The following COL25A1 variants were observed in gnomAD, a reference collection of about 807,000 sequenced individuals.
COL25A1 encodes the protein collagen alpha-1(XXV) chain.
Under a neutral mutation model 128.4 loss-of-function variants are expected in COL25A1, and 103 were observed. The ratio of observed to expected loss-of-function variants is 0.80; its 90% confidence interval spans 0.68 to 0.94. COL25A1 has a LOEUF of 0.94. COL25A1 is among the 40% of genes least tolerant of loss of function. The pLI is 0.00. For missense variants in COL25A1, 745 were observed against 840.0 expected, an observed-to-expected ratio of 0.89 and a Z score of 1.40; for synonymous variants, 279 against 277.2, an observed-to-expected ratio of 1.01 and a Z score of -0.06.
chr4:108,901,738 T>G (rs1221177146), intron 13 of COL25A1, among the ~76,000 whole-genome samples: 1 of 152,122 alleles, frequency 6.6e-6, no homozygotes, highest in Non-Finnish European at 1.5e-5. Context: ...GAATAAAACA[T>G]TCAGACTTAT....
intron 6 of COL25A1, among the ~76,000 whole-genome samples, chr4:108,984,682 C>G (rs527547402): frequency 6.6e-6 from 1 of 152,350 alleles, no homozygotes; most frequent in Non-Finnish European, 1.5e-5. Context: ...ACCCGGAACT[C>G]CCGCTGGCCC....
chr4:108,913,685 CAG>C (rs1299999819), intron 13 of COL25A1, among the ~76,000 whole-genome samples: 2 of 152,098 alleles, frequency 1.3e-5, no homozygotes, highest in African/African-American at 2.4e-5. Context: ...TAGAAAAATG[CAG>C]AGTTTTAATA....
chr4:109,280,660 G>GTT (rs374389512), intron 3 of COL25A1, among the ~76,000 whole-genome samples: 7 of 147,268 alleles, frequency 4.8e-5, no homozygotes, highest in South Asian at 2.2e-4. Flanking sequence ...GTTTTGTTTT[G>GTT]TTTTTTTTTT....
chr4:109,042,572 T>C (rs1191054344), intron 5 of COL25A1, among the ~76,000 whole-genome samples: 1 of 152,090 alleles, frequency 6.6e-6, no homozygotes, highest in African/African-American at 2.4e-5. Flanking sequence ...TCCTACAAGA[T>C]AAATGGTTTG....
intron 3 of COL25A1, among the ~76,000 whole-genome samples, chr4:109,178,695 T>G (rs1455859256): frequency 1.3e-5 from 2 of 151,170 alleles, no homozygotes; most frequent in Admixed American, 6.6e-5. Context: ...ATTAGCCAGG[T>G]GTGGTGGCGG....
chr4:108,862,427 C>T (rs1737350404), intron 22 of COL25A1, 74 bp downstream of exon 22: 2 of 1,101,260 alleles, frequency 1.8e-6, no homozygotes, highest in African/African-American at 3.1e-5. Context: ...GAAAAACATG[C>T]CTCTGTGGCA....
At chr4:109,222,924 C>T (rs1202969116) in intron 3 of COL25A1, among the ~76,000 whole-genome samples, 3 of 152,158 alleles carry the variant, frequency 2.0e-5, no homozygotes, top group Non-Finnish European at 4.4e-5. Context: ...TTATCCAAAT[C>T]AAATTGATTT....
At chr4:108,994,075 G>C (rs371331884) in intron 6 of COL25A1, among the ~76,000 whole-genome samples, 33 of 152,154 alleles carry the variant, frequency 2.2e-4, no homozygotes, top group African/African-American at 7.2e-4. Context: ...TTCCAACTGA[G>C]GTACCTGGTT....
intron 3 of COL25A1, among the ~76,000 whole-genome samples, chr4:109,256,790 G>C (rs2126250943): frequency 6.6e-6 from 1 of 152,220 alleles, no homozygotes; most frequent in Non-Finnish European, 1.5e-5. Context: ...AAACAAGGTG[G>C]TTGTTCTAGA....
chr4:109,175,677 C>T (rs189352012), intron 3 of COL25A1, among the ~76,000 whole-genome samples: 10 of 152,128 alleles, frequency 6.6e-5, no homozygotes, highest in Admixed American at 2.0e-4. Context: ...AATTGTTCAG[C>T]GAATAAAATA....
At position 108,961,518 on chromosome 4, in the gene COL25A1, A is replaced by G. The variant is rs201811107; in HGVS notation, c.492+12849T>C. On this transcript the variant is annotated intron_variant, in intron 8 of 37. Coordinates refer to ENST00000399132, the MANE Select transcript of COL25A1 (RefSeq NM_198721.4). ...TTTGCCACTTAGTTTTCAGTCGCAT[A>G]TGATGACAGCATATGCAACTTCAAA... Among the ~76,000 whole-genome samples, 7 of 151,490 alleles carry G rather than the reference A, an allele frequency of 4.6e-5. No individual in the cohort carries two copies. The East Asian group carries it at 1.4e-3, about 29-fold the overall frequency.
intron 19 of COL25A1, among the ~76,000 whole-genome samples, chr4:108,881,496 C>T (rs1371146488): frequency 6.6e-6 from 1 of 152,158 alleles, no homozygotes; most frequent in African/African-American, 2.4e-5. Context: ...AAGAAACACA[C>T]AGGTCTAGGA....
intron 3 of COL25A1, among the ~76,000 whole-genome samples, chr4:109,244,450 T>C (rs1780124901): frequency 6.6e-6 from 1 of 152,160 alleles, no homozygotes; most frequent in South Asian, 2.1e-4. Context: ...ATTACAGTAA[T>C]TTGCAACAAT....
intron 5 of COL25A1, among the ~76,000 whole-genome samples, chr4:109,038,758 T>C (rs1759588441): frequency 6.6e-6 from 1 of 152,226 alleles, no homozygotes; most frequent in Non-Finnish European, 1.5e-5. Context: ...AAATCTTTGC[T>C]TCCCATAAGA....
chr4:109,016,734 T>C (rs1181872061), intron 5 of COL25A1, among the ~76,000 whole-genome samples: 2 of 152,172 alleles, frequency 1.3e-5, no homozygotes, highest in Non-Finnish European at 2.9e-5. Flanking sequence ...CTGGGTCTCC[T>C]ATCTGCTGAG....
chr4:109,036,853 T>C (rs1472879536), intron 5 of COL25A1, among the ~76,000 whole-genome samples: 2 of 152,218 alleles, frequency 1.3e-5, no homozygotes, highest in African/African-American at 4.8e-5. Context: ...CACTCTCACC[T>C]GTGAAAAAGC....
intron 11 of COL25A1, among the ~76,000 whole-genome samples, chr4:108,928,481 T>G (rs1746330147): frequency 6.6e-6 from 1 of 152,100 alleles, no homozygotes; most frequent in African/African-American, 2.4e-5. Context: ...AGTACAATAT[T>G]TAGACACTGA....
At chr4:108,871,408 C>T (rs546418253) in intron 19 of COL25A1, among the ~76,000 whole-genome samples, 3 of 152,092 alleles carry the variant, frequency 2.0e-5, no homozygotes, top group Non-Finnish European at 4.4e-5. Context: ...CTCCGCCTCC[C>T]GGGTTCACGC....
At chr4:109,092,472 G>C (rs963484621) in intron 3 of COL25A1, among the ~76,000 whole-genome samples, 1 of 152,124 alleles carries the variant, frequency 6.6e-6, no homozygotes, top group African/African-American at 2.4e-5. Flanking sequence ...CTGGGTGACA[G>C]AGCGAGATGC....
Sources: gnomAD v4.1 joint callset for allele counts (sites outside exome capture counted in the v4.1 genomes callset) on GRCh38, gnomAD v4.1.1 for gene constraint, MANE v1.5 for transcripts, NCBI Gene and HGNC (gene_info 2026-07-23, HGNC 2026-07-21) for gene names.